The following ANKRD30B variants were observed in gnomAD, a reference collection of about 807,000 sequenced individuals.
The protein encoded by ANKRD30B is ankyrin repeat domain-containing protein 30B.
ANKRD30B carries 144 observed loss-of-function variants against 202.2 expected under a neutral mutation model. The observed-to-expected ratio is 0.71, with a 90% confidence interval of 0.62 to 0.82. The LOEUF (loss-of-function observed/expected upper bound fraction) is 0.82, where lower values mean the gene tolerates loss of function less well. Ranked by LOEUF, ANKRD30B falls within the 40% of genes least tolerant of loss-of-function variation. The pLI, the probability that ANKRD30B is intolerant of heterozygous loss-of-function variation, is 0.00. For synonymous variants in ANKRD30B, 508 were observed against 561.3 expected (o/e 0.91, Z 1.34); for missense variants, 1,487 against 1,669.1 (o/e 0.89, Z 1.90).
the ANKRD30B span, among the ~76,000 whole-genome samples, chr18:14,886,783 G>T: frequency 6.8e-4 from 103 of 152,164 alleles, no homozygotes; most frequent in Middle Eastern, 0.017. Context: ...GTCCCCCTCT[G>T]CCCTCAATAT....
intron 15 of ANKRD30B, 73 bp from the exon 16 acceptor site, chr18:14,791,328 G>C: frequency 7.8e-7 from 1 of 1,283,320 alleles, no homozygotes; most frequent in South Asian, 1.3e-5. Context: ...AAAGATTCTA[G>C]TTAGAAAATT....
chr18:14,766,484 A>AG, intron 7 of ANKRD30B, among the ~76,000 whole-genome samples: 1 of 139,538 alleles, frequency 7.2e-6, no homozygotes, highest in Non-Finnish European at 1.6e-5. Context: ...AAAAAAAAAA[A>AG]AAAAAAAAAA....
chr18:14,790,576 T>C (rs1412367337), intron 15 of ANKRD30B, among the ~76,000 whole-genome samples: 2 of 152,174 alleles, frequency 1.3e-5, no homozygotes, highest in African/African-American at 4.8e-5. Context: ...CAATACCTAA[T>C]TTATTGAGAG....
the ANKRD30B span, among the ~76,000 whole-genome samples, chr18:14,860,417 A>G: frequency 1.2e-4 from 14 of 116,908 alleles, no homozygotes; most frequent in Admixed American, 1.8e-4. Flanking sequence ...CTCACCTCCC[A>G]GATGGGGCAG....
chr18:14,848,990 C>G, intron 40 of ANKRD30B, 61 bp downstream of exon 40: 1 of 1,360,854 alleles, frequency 7.3e-7, no homozygotes, highest in Non-Finnish European at 9.5e-7. Context: ...ATGTAGGATA[C>G]TTTTTGTAAA....
chr18:14,819,413 TG>T (rs1970291889), intron 30 of ANKRD30B, among the ~76,000 whole-genome samples: 2 of 149,772 alleles, frequency 1.3e-5, no homozygotes, highest in Non-Finnish European at 3.0e-5. Context: ...TTGCTTTTGG[TG>T]TTTTAGACAT....
chr18:14,862,784 G>A, the ANKRD30B span, among the ~76,000 whole-genome samples: 21 of 152,362 alleles, frequency 1.4e-4, 1 homozygote, highest in African/African-American at 4.1e-4. Context: ...ACACTGCAAA[G>A]CCACAGAGGC....
Position 14,748,522 on chromosome 18 carries a change from T to G in ANKRD30B, c.103T>G (p.Tyr35Asp). ...VYTEKDYGTI[Y>D]FGDLGKIHTA... ...CACTGAGAAGGACTACGGGACCATC[T>G]ACTTCGGGGATCTAGGGAAGATCCA... is the stretch of plus-strand genomic sequence containing the variant. The change falls in exon 1 of 44, where the codon TAC (tyrosine) becomes GAC (aspartate). Residue 35 changes from tyrosine (Y) to aspartate (D), a missense_variant. By Grantham distance (160) the Tyr-to-Asp change is radical. This residue lies in a region of ANKRD30B where 889 missense variants were observed against 841.4 expected (regional missense o/e 1.06). Transcript: ENST00000690538. 1 of 1,552,574 alleles carries G rather than the reference T, an allele frequency of 6.4e-7. No homozygotes were observed. The highest frequency in any genetic ancestry group is 8.7e-7 in the Non-Finnish European group (1 of 1,147,434).
At chr18:14,821,924 G>C (rs1193097665) in intron 30 of ANKRD30B, among the ~76,000 whole-genome samples, 3 of 152,154 alleles carry the variant, frequency 2.0e-5, no homozygotes, top group African/African-American at 7.2e-5. Context: ...AGATATTTAT[G>C]CTGTTGAATT....
rs553836111 is a variant in ANKRD30B, at chr18:14,830,568, C to A, written c.2775-815C>A. On this transcript the variant is annotated intron_variant, in intron 33 of 43. Transcript: ENST00000690538. ...AAGGCCTTTTTAAGTGGTTTTTATG[C>A]TGAAAAACAAAGAATGTCATTTTCC... is the stretch of plus-strand genomic sequence containing the variant. 4.5e-3 allele frequency among the ~76,000 whole-genome samples: 685 copies of A among 152,216 alleles called. 3 individuals are homozygous for A. Among genetic ancestry groups the A allele is most frequent in the Middle Eastern group, 6.8e-3 (2 of 294 alleles).
chr18:14,931,339 G>C, the ANKRD30B span, among the ~76,000 whole-genome samples: 9,035 of 152,072 alleles, frequency 0.059, 917 homozygotes, highest in African/African-American at 0.21. Context: ...TCTAGAACAA[G>C]GACGAGTATT....
intron 14 of ANKRD30B, among the ~76,000 whole-genome samples, chr18:14,785,491 C>T (rs1968021825): frequency 6.6e-6 from 1 of 152,246 alleles, no homozygotes; most frequent in East Asian, 1.9e-4. Context: ...ATTTCCAAGT[C>T]TTTAAAAAGT....
the ANKRD30B span, among the ~76,000 whole-genome samples, chr18:14,888,525 T>C: frequency 6.6e-6 from 1 of 152,060 alleles, no homozygotes; most frequent in African/African-American, 2.4e-5. Context: ...TTCAAATCTT[T>C]CTTTAATGCA....
the ANKRD30B span, chr18:14,905,694 A>C: frequency 2.0e-5 from 3 of 152,138 alleles, no homozygotes; most frequent in Non-Finnish European, 2.9e-5. Context: ...GCAAAATTTT[A>C]CCCCACAAAA....
chr18:14,770,897 C>A (rs1966958186), intron 8 of ANKRD30B, among the ~76,000 whole-genome samples: 1 of 152,024 alleles, frequency 6.6e-6, no homozygotes, highest in African/African-American at 2.4e-5. Flanking sequence ...CCAAATCTCA[C>A]AAGAGTGGCT....
the ANKRD30B span, among the ~76,000 whole-genome samples, chr18:14,860,325 T>A: frequency 1.3e-3 from 109 of 81,568 alleles, no homozygotes; most frequent in Admixed American, 1.9e-3. Context: ...AGCCAGGCAG[T>A]GGCGCTCCTC....
At chr18:14,900,055 C>A in the ANKRD30B span, among the ~76,000 whole-genome samples, 1 of 151,708 alleles carries the variant, frequency 6.6e-6, no homozygotes, top group Non-Finnish European at 1.5e-5. Context: ...TGAAAAAATA[C>A]AATTTTTTAA....
chr18:14,766,684 G>C (rs1372912235), intron 7 of ANKRD30B, among the ~76,000 whole-genome samples: 2 of 151,902 alleles, frequency 1.3e-5, no homozygotes, highest in East Asian at 3.9e-4. Flanking sequence ...TGTAGGCTTA[G>C]AATAATTTTA....
At chr18:14,847,072 ATATATATATATATATATATATG>A (rs1386545553) in intron 39 of ANKRD30B, among the ~76,000 whole-genome samples, 1 of 34,128 alleles carries the variant, frequency 2.9e-5, no homozygotes, top group Non-Finnish European at 7.0e-5. Flanking sequence ...ATATATATAT[ATATATATATATATATATATATG>A]TATAATGTTT....
Sources: allele counts gnomAD v4.1 joint callset (sites outside exome capture counted in the v4.1 genomes callset), GRCh38; gene constraint gnomAD v4.1.1; regional missense constraint gnomAD v4.1.1; transcripts MANE v1.5; gene names NCBI Gene and HGNC (gene_info 2026-07-23, HGNC 2026-07-21).